The following CIMIP3 variants were observed in gnomAD, a reference collection of about 807,000 sequenced individuals.
The protein encoded by CIMIP3 is GUCA1A neighbor.
the CIMIP3 span, chr6:42,155,445 C>T: frequency 4.4e-6 from 3 of 675,746 alleles, no homozygotes; most frequent in Admixed American, 4.3e-5. Context: ...CCAGAAGTTC[C>T]ACCTCACCAT....
the CIMIP3 span, chr6:42,162,908 C>T: frequency 1.6e-5 from 10 of 614,296 alleles, no homozygotes; most frequent in South Asian, 1.9e-4. Flanking sequence ...CCCCTTCTTT[C>T]CCCCCTCCCA....
At chr6:42,161,294 C>G in the CIMIP3 span, among the ~76,000 whole-genome samples, 2 of 152,170 alleles carry the variant, frequency 1.3e-5, no homozygotes, top group African/African-American at 4.8e-5. Flanking sequence ...AACCCTGTAC[C>G]TAGGGGTTCT....
the CIMIP3 span, among the ~76,000 whole-genome samples, chr6:42,157,807 T>C: frequency 6.6e-6 from 1 of 152,144 alleles, no homozygotes. Context: ...CTACTTGTCC[T>C]GTAACTTCAT....
At chr6:42,160,817 G>A in the CIMIP3 span, among the ~76,000 whole-genome samples, 1 of 152,214 alleles carries the variant, frequency 6.6e-6, no homozygotes, top group Non-Finnish European at 1.5e-5. Context: ...TTATACCTGG[G>A]TAGGAACCAA....
the CIMIP3 span, among the ~76,000 whole-genome samples, chr6:42,161,663 A>G: frequency 7.9e-5 from 12 of 152,178 alleles, no homozygotes; most frequent in Non-Finnish European, 1.8e-4. Context: ...AGTGGTGGTT[A>G]GGACGAGGTA....
At chr6:42,157,163 T>G in the CIMIP3 span, among the ~76,000 whole-genome samples, 1 of 152,180 alleles carries the variant, frequency 6.6e-6, no homozygotes, top group East Asian at 1.9e-4. Flanking sequence ...TATATGTACA[T>G]ATTAATACAT....
At chr6:42,156,846 G>T in the CIMIP3 span, among the ~76,000 whole-genome samples, 1 of 152,216 alleles carries the variant, frequency 6.6e-6, no homozygotes, top group Non-Finnish European at 1.5e-5. Flanking sequence ...AAACACCAAA[G>T]CCAAGGCACA....
At chr6:42,157,399 C>T in the CIMIP3 span, among the ~76,000 whole-genome samples, 1 of 152,074 alleles carries the variant, frequency 6.6e-6, no homozygotes, top group Non-Finnish European at 1.5e-5. Context: ...CAGGCGTGCA[C>T]CATCACACCC....
the CIMIP3 span, chr6:42,163,283 C>T: frequency 5.7e-6 from 3 of 524,076 alleles, no homozygotes; most frequent in African/African-American, 5.9e-5. Context: ...GACCCTTCAC[C>T]CTCACCCCTG....
the CIMIP3 span, among the ~76,000 whole-genome samples, chr6:42,159,166 T>C: frequency 1.3e-5 from 2 of 152,176 alleles, no homozygotes; most frequent in Non-Finnish European, 2.9e-5. Flanking sequence ...TCAGGGGACA[T>C]TGGGCGATGA....
At chr6:42,158,747 C>T in the CIMIP3 span, among the ~76,000 whole-genome samples, 1 of 152,360 alleles carries the variant, frequency 6.6e-6, no homozygotes, top group South Asian at 2.1e-4. Flanking sequence ...AGCTGAGTGG[C>T]TAATGCCTGA....
the CIMIP3 span, among the ~76,000 whole-genome samples, chr6:42,159,832 A>T: frequency 3.3e-5 from 5 of 152,348 alleles, no homozygotes; most frequent in Admixed American, 2.6e-4. Context: ...CTCACCAGTC[A>T]TGTGACCCTG....
At chr6:42,155,623 G>T in the CIMIP3 span, 13 of 717,146 alleles carry the variant, frequency 1.8e-5, no homozygotes, top group Non-Finnish European at 3.4e-5. Flanking sequence ...GCTTAGTTGG[G>T]TGCTGGTGCT....
At chr6:42,161,900 C>A in the CIMIP3 span, among the ~76,000 whole-genome samples, 1 of 151,900 alleles carries the variant, frequency 6.6e-6, no homozygotes, top group Non-Finnish European at 1.5e-5. Context: ...CCTCAAGGAG[C>A]TGAAACTCTA....
the CIMIP3 span, chr6:42,162,915 C>T: frequency 1.6e-6 from 1 of 628,784 alleles, no homozygotes; most frequent in Non-Finnish European, 3.0e-6. Context: ...TTTCCCCCCT[C>T]CCAGGACTCA....
the CIMIP3 span, chr6:42,163,057 C>A: frequency 1.4e-6 from 1 of 717,600 alleles, no homozygotes; most frequent in East Asian, 2.7e-5. Flanking sequence ...ATGTGCCGGT[C>A]GTTGTGGACT....
At chr6:42,157,679 C>T in the CIMIP3 span, among the ~76,000 whole-genome samples, 1 of 152,106 alleles carries the variant, frequency 6.6e-6, no homozygotes, top group African/African-American at 2.4e-5. Flanking sequence ...CATGAGCCAC[C>T]ACGCTGGCCC....
chr6:42,158,686 T>C, the CIMIP3 span, among the ~76,000 whole-genome samples: 4 of 152,228 alleles, frequency 2.6e-5, no homozygotes, highest in African/African-American at 7.2e-5. Context: ...TCAGTTTCCT[T>C]ATCTGAAAAA....
At chr6:42,155,668 G>C in the CIMIP3 span, 5 of 716,048 alleles carry the variant, frequency 7.0e-6, no homozygotes, top group Non-Finnish European at 1.3e-5. Flanking sequence ...CCCAGCTGTC[G>C]GACCTCTGCG....
Sources: allele counts gnomAD v4.1 joint callset (sites outside exome capture counted in the v4.1 genomes callset), GRCh38; gene constraint gnomAD v4.1.1; transcripts MANE v1.5; gene names NCBI Gene and HGNC (gene_info 2026-07-23, HGNC 2026-07-21).